Variants in CUL1 observed in about 807,000 individuals in gnomAD.
CUL1 encodes the protein cullin 1.
A neutral mutation model predicts 118.0 loss-of-function variants in CUL1; 24 were observed. That is an observed-to-expected ratio of 0.20 (90% CI 0.15 to 0.29). The LOEUF is 0.29. Ranked by LOEUF, CUL1 falls within the 10% of genes least tolerant of loss-of-function variation. CUL1 has a pLI of 1.00. For missense variants in CUL1, 361 were observed against 933.8 expected, an observed-to-expected ratio of 0.39 and a Z score of 7.99; for synonymous variants, 332 against 340.4, an observed-to-expected ratio of 0.98 and a Z score of 0.27.
intron 1 of CUL1, among the ~76,000 whole-genome samples, chr7:148,705,969 A>G (rs928856039): frequency 1.3e-5 from 2 of 152,150 alleles, no homozygotes; most frequent in Non-Finnish European, 2.9e-5. Flanking sequence ...AAAATCCTAA[A>G]TCCTCCAGAA....
chr7:148,720,279 G>C (rs780008354), intron 1 of CUL1, among the ~76,000 whole-genome samples: 105 of 152,294 alleles, frequency 6.9e-4, no homozygotes, highest in Admixed American at 1.7e-3. Flanking sequence ...GATTGGAGGG[G>C]ACGAGGCCAG....
At chr7:148,744,400 G>A (rs921798794) in intron 2 of CUL1, among the ~76,000 whole-genome samples, 5 of 26,126 alleles carry the variant, frequency 1.9e-4, no homozygotes, top group African/African-American at 1.2e-3. Flanking sequence ...TTTCTGCAGT[G>A]TGTGTGTGTG....
chr7:148,764,650 TG>T (rs1246492305), intron 7 of CUL1, among the ~76,000 whole-genome samples: 1 of 152,256 alleles, frequency 6.6e-6, no homozygotes, highest in Non-Finnish European at 1.5e-5. Flanking sequence ...GAAAAAGTGG[TG>T]CTGTTTGGTT....
chr7:148,744,397 A>T (rs1474258110), intron 2 of CUL1, among the ~76,000 whole-genome samples: 1 of 143,968 alleles, frequency 6.9e-6, no homozygotes, highest in Non-Finnish European at 1.5e-5. Context: ...TTGTTTCTGC[A>T]GTGTGTGTGT....
intron 7 of CUL1, among the ~76,000 whole-genome samples, chr7:148,762,459 T>A (rs1799862763): frequency 6.6e-6 from 1 of 152,214 alleles, no homozygotes; most frequent in African/African-American, 2.4e-5. Flanking sequence ...AATGGTGGGC[T>A]AAATTGACTT....
intron 17 of CUL1, 26 bp from the exon 18 acceptor site, chr7:148,797,786 C>G: frequency 6.3e-7 from 1 of 1,597,490 alleles, no homozygotes; most frequent in East Asian, 2.2e-5. Flanking sequence ...TTCCCTTTAA[C>G]TTCCTCTTTT....
At chr7:148,732,226 G>A (rs1156839322) in intron 2 of CUL1, among the ~76,000 whole-genome samples, 2 of 152,184 alleles carry the variant, frequency 1.3e-5, no homozygotes, top group Non-Finnish European at 2.9e-5. Context: ...CTGATGTACA[G>A]GAAGCAGGAG....
At chr7:148,783,040 C>T (rs936591417) in intron 9 of CUL1, among the ~76,000 whole-genome samples, 16 of 152,194 alleles carry the variant, frequency 1.1e-4, no homozygotes, top group Non-Finnish European at 1.6e-4. Flanking sequence ...TGGGCTTTCG[C>T]GGTCTCATGA....
intron 17 of CUL1, 38 bp downstream of exon 17, chr7:148,792,856 C>G: frequency 6.9e-7 from 1 of 1,455,466 alleles, no homozygotes; most frequent in Non-Finnish European, 9.6e-7. Context: ...ATCAGCTTGC[C>G]GTTTCCTTGT....
At chr7:148,723,473 G>C (rs1798459142) in intron 1 of CUL1, among the ~76,000 whole-genome samples, 1 of 152,148 alleles carries the variant, frequency 6.6e-6, no homozygotes, top group Admixed American at 6.6e-5. Context: ...TGCTGTCTTG[G>C]TAGATGGCAT....
chr7:148,799,588 A>G (rs1034889670), intron 21 of CUL1, among the ~76,000 whole-genome samples, 200 bp downstream of exon 21: 1 of 152,362 alleles, frequency 6.6e-6, no homozygotes, highest in Admixed American at 6.5e-5. Flanking sequence ...TGCCAGCTTG[A>G]TGACTTTCAC....
upstream of CUL1, chr7:148,698,572 G>A (rs963739610): frequency 1.3e-5 from 2 of 151,878 alleles, no homozygotes; most frequent in African/African-American, 2.4e-5. Context: ...CGGGGGCCTC[G>A]GCCGCGGAAG....
chr7:148,744,403 TG>T (rs1799242784), intron 2 of CUL1, among the ~76,000 whole-genome samples: 1 of 76,752 alleles, frequency 1.3e-5, no homozygotes, highest in Admixed American at 1.6e-4. Context: ...CTGCAGTGTG[TG>T]TGTGTGTGTG....
chr7:148,784,481 T>G (rs977626982), intron 11 of CUL1, among the ~76,000 whole-genome samples: 1 of 152,228 alleles, frequency 6.6e-6, no homozygotes, highest in Non-Finnish European at 1.5e-5. Flanking sequence ...TTGAATCTTA[T>G]TTCTCAATTG....
intron 3 of CUL1, among the ~76,000 whole-genome samples, chr7:148,755,101 G>A (rs1799614301): frequency 6.6e-6 from 1 of 152,188 alleles, no homozygotes; most frequent in Non-Finnish European, 1.5e-5. Flanking sequence ...TGACTACGAT[G>A]AGTTTCACTG....
At chr7:148,713,144 G>A (rs921474632) in intron 1 of CUL1, among the ~76,000 whole-genome samples, 4 of 151,872 alleles carry the variant, frequency 2.6e-5, no homozygotes, top group African/African-American at 4.8e-5. Context: ...ATGTAATACC[G>A]TTTTTTCTTG....
chr7:148,796,814 C>G (rs542268767), intron 17 of CUL1, among the ~76,000 whole-genome samples: 131 of 152,282 alleles, frequency 8.6e-4, no homozygotes, highest in Admixed American at 1.6e-3. Flanking sequence ...AAGTGGGCAC[C>G]CCCGCACCCT....
intron 7 of CUL1, among the ~76,000 whole-genome samples, chr7:148,762,713 G>A (rs1413067659): frequency 2.6e-5 from 4 of 152,242 alleles, no homozygotes; most frequent in African/African-American, 9.6e-5. Flanking sequence ...GCGCGAGCCT[G>A]TTCTTTTTAT....
intron 2 of CUL1, among the ~76,000 whole-genome samples, chr7:148,749,701 C>G (rs1738496474): frequency 6.6e-6 from 1 of 152,116 alleles, no homozygotes; most frequent in Admixed American, 6.5e-5. Context: ...TTGATAACCC[C>G]CACAATGGCT....
Sources: gnomAD v4.1 joint callset for allele counts (sites outside exome capture counted in the v4.1 genomes callset) on GRCh38, gnomAD v4.1.1 for gene constraint, MANE v1.5 for transcripts, NCBI Gene and HGNC (gene_info 2026-07-23, HGNC 2026-07-21) for gene names.